LRBA: variants seen among roughly 807,000 people sequenced by gnomAD.
The protein encoded by LRBA is lipopolysaccharide-responsive and beige-like anchor protein.
Under a neutral mutation model 330.0 loss-of-function variants are expected in LRBA, and 176 were observed. That is an observed-to-expected ratio of 0.53 (90% CI 0.47 to 0.60). The LOEUF (loss-of-function observed/expected upper bound fraction) is 0.60, where lower values mean the gene tolerates loss of function less well. Ranked by LOEUF, LRBA falls within the 20% of genes least tolerant of loss-of-function variation. LRBA has a pLI of 0.00. For missense variants in LRBA, 3,259 were observed against 3,444.8 expected (o/e 0.95, Z 1.35); for synonymous variants, 1,230 against 1,193.0 (o/e 1.03, Z -0.64).
At chr4:150,280,121 A>C (rs1439759349) in intron 55 of LRBA, among the ~76,000 whole-genome samples, 2 of 152,176 alleles carry the variant, frequency 1.3e-5, no homozygotes, top group Non-Finnish European at 2.9e-5. Flanking sequence ...AAGGTGAAAA[A>C]AGATTTCGCT....
intron 40 of LRBA, among the ~76,000 whole-genome samples, chr4:150,550,976 T>C (rs995739007): frequency 1.3e-5 from 2 of 152,166 alleles, no homozygotes; most frequent in Admixed American, 6.5e-5. Flanking sequence ...GGAAACTGAA[T>C]CCCCATTTTA....
intron 2 of LRBA, among the ~76,000 whole-genome samples, chr4:150,942,353 G>C (rs1315784812): frequency 6.6e-6 from 1 of 152,132 alleles, no homozygotes; most frequent in Admixed American, 6.5e-5. Flanking sequence ...CAGAAAATTA[G>C]GTTAAATTTG....
At chr4:150,588,298 T>A in intron 39 of LRBA, 114 bp from the exon 40 acceptor site, 1 of 952,310 alleles carries the variant, frequency 1.1e-6, no homozygotes, top group Non-Finnish European at 1.5e-6. Flanking sequence ...CTGAACTGCC[T>A]GCCAACTACT....
chr4:150,849,287 T>G, intron 25 of LRBA, 135 bp downstream of exon 25: 1 of 749,248 alleles, frequency 1.3e-6, no homozygotes, highest in East Asian at 2.7e-5. Context: ...TAAGGTCCTC[T>G]CAAGTAAAAG....
chr4:150,809,856 ATACGATACGATACGATACG>A (rs1560849818), intron 31 of LRBA, among the ~76,000 whole-genome samples: 2 of 4,560 alleles, frequency 4.4e-4, no homozygotes, highest in Non-Finnish European at 9.1e-4. Flanking sequence ...TTAAAATACG[ATACGATACGATACGATACG>A]ATACGATACG....
At chr4:150,554,578 A>ATC (rs1351808981) in intron 40 of LRBA, among the ~76,000 whole-genome samples, 18 of 152,314 alleles carry the variant, frequency 1.2e-4, no homozygotes, top group Non-Finnish European at 8.8e-5. Flanking sequence ...ATAAATGAAA[A>ATC]TTGACAATAA....
At chr4:150,920,174 A>G (rs967250964) in intron 5 of LRBA, among the ~76,000 whole-genome samples, 5 of 152,230 alleles carry the variant, frequency 3.3e-5, no homozygotes, top group Non-Finnish European at 5.9e-5. Flanking sequence ...AGGGCCTAAT[A>G]TAAGATTTTA....
intron 44 of LRBA, among the ~76,000 whole-genome samples, chr4:150,438,158 A>G (rs1377920222): frequency 1.3e-5 from 2 of 152,194 alleles, no homozygotes; most frequent in African/African-American, 4.8e-5. Flanking sequence ...ACTCACTGAA[A>G]AAGACATGAT....
At chr4:150,579,663 T>G in intron 40 of LRBA, 1 of 456,490 alleles carries the variant, frequency 2.2e-6, no homozygotes, top group Non-Finnish European at 4.4e-6. Context: ...GAGCCGCCAG[T>G]GGAGGTGCAG....
chr4:150,843,997 T>C, intron 28 of LRBA, 103 bp downstream of exon 28: 1 of 653,616 alleles, frequency 1.5e-6, no homozygotes, highest in Non-Finnish European at 2.7e-6. Flanking sequence ...CTATCTCTGC[T>C]CCACTATTTG....
chr4:150,969,149 A>T (rs1223626379), intron 2 of LRBA, among the ~76,000 whole-genome samples: 1 of 152,248 alleles, frequency 6.6e-6, no homozygotes, highest in Non-Finnish European at 1.5e-5. Flanking sequence ...TGATGCAGAT[A>T]TACAAGGAGA....
intron 36 of LRBA, among the ~76,000 whole-genome samples, chr4:150,695,899 A>C (rs1784575846): frequency 6.6e-6 from 1 of 152,174 alleles, no homozygotes; most frequent in African/African-American, 2.4e-5. Context: ...CTTATGAATA[A>C]ATATATTTGC....
At chr4:150,543,046 T>C (rs1031108614) in intron 40 of LRBA, among the ~76,000 whole-genome samples, 30 of 152,138 alleles carry the variant, frequency 2.0e-4, no homozygotes, top group African/African-American at 7.2e-4. Context: ...CACAAAAAAC[T>C]AGAACACATA....
At chr4:150,395,781 A>G (rs1303034787) in intron 47 of LRBA, among the ~76,000 whole-genome samples, 4 of 152,138 alleles carry the variant, frequency 2.6e-5, no homozygotes, top group Admixed American at 2.6e-4. Context: ...TTCCTATACT[A>G]TAAGCTTATT....
In LRBA at chr4:150,265,687, ATCCTAG is replaced by A; in HGVS notation, c.*29_*34del. ...AATGATGCTCCAGGTACTTCTGCTC[ATCCTAG>A]GGGCAGAGTTGATGTACAGCTGTCA... On this transcript the variant is annotated 3_prime_UTR_variant, in exon 57 of 57. Transcript: ENST00000651943. 1 of 1,351,044 alleles carries A rather than the reference ATCCTAG, an allele frequency of 7.4e-7. No homozygotes were observed. The highest frequency in any genetic ancestry group is 1.1e-6 in the Non-Finnish European group (1 of 939,964). The allele number at this position is 1,351,044 out of a possible 1,614,324, so 83.7% of individuals were successfully genotyped here.
intron 2 of LRBA, among the ~76,000 whole-genome samples, chr4:150,963,526 G>A (rs183372033): frequency 2.7e-5 from 4 of 149,448 alleles, no homozygotes; most frequent in East Asian, 1.9e-4. Flanking sequence ...GCGTGATCTC[G>A]AATCGCTACA....
Position 150,277,920 on chromosome 4 carries a change from T to C in LRBA, c.8401A>G (p.Lys2801Glu). The C allele has an allele frequency of 6.2e-7, 1 of 1,614,132 alleles. No homozygotes were observed. Among genetic ancestry groups the C allele is most frequent in the Non-Finnish European group, 8.5e-7 (1 of 1,180,012 alleles). The change falls in exon 56 of 57, where the codon AAG becomes GAG. Residue 2801 changes from lysine (K) to glutamate (E), a missense_variant. Lys to Glu is a moderately conservative substitution (Grantham distance 56). Coordinates refer to ENST00000651943, the MANE Select transcript of LRBA (RefSeq NM_001364905.1). ...CATCCTGGATAGGCAAAGAGCTGCTTGAGGTCCGACACCTGCCGGACCACG... is the reference window on the plus strand; with the variant it reads ...CATCCTGGATAGGCAAAGAGCTGCTCGAGGTCCGACACCTGCCGGACCACG... ...VVVVRQVSDLKQLFAYPGCDA... is the reference protein window; with the variant it reads ...VVVVRQVSDLEQLFAYPGCDA...
chr4:150,970,560 C>CGTGTGTGTGT (rs1561074259), intron 2 of LRBA: 738 of 21,708 alleles, frequency 0.034, 6 homozygotes, highest in African/African-American at 0.054. Context: ...TGTGTGTACA[C>CGTGTGTGTGT]ACACACACAC....
chr4:150,436,252 C>T (rs57315860), intron 45 of LRBA, among the ~76,000 whole-genome samples: 3,435 of 152,196 alleles, frequency 0.023, 129 homozygotes, highest in African/African-American at 0.076. Flanking sequence ...AATGCTTTTC[C>T]GAAGAAATTG....
Sources: gnomAD v4.1 joint callset for allele counts (sites outside exome capture counted in the v4.1 genomes callset) on GRCh38, gnomAD v4.1.1 for gene constraint, MANE v1.5 for transcripts, NCBI Gene and HGNC (gene_info 2026-07-23, HGNC 2026-07-21) for gene names.